The following GABRG3 variants were observed in gnomAD, a reference collection of about 807,000 sequenced individuals.
GABRG3 encodes the protein gamma-aminobutyric acid receptor subunit gamma-3.
Under a neutral mutation model 48.8 loss-of-function variants are expected in GABRG3, and 25 were observed. That is an observed-to-expected ratio of 0.51 (90% confidence interval 0.37 to 0.72). The LOEUF is 0.72. GABRG3 is among the 30% of genes least tolerant of loss of function. GABRG3 has a pLI of 0.00. For missense variants in GABRG3, 394 were observed against 577.9 expected, an observed-to-expected ratio of 0.68 and a Z score of 3.26; for synonymous variants, 227 against 217.6, an observed-to-expected ratio of 1.04 and a Z score of -0.38.
At chr15:27,308,196 AT>A (rs1892772833) in intron 3 of GABRG3, among the ~76,000 whole-genome samples, 1 of 60,648 alleles carries the variant, frequency 1.6e-5, no homozygotes, top group Non-Finnish European at 2.9e-5. Context: ...ATATATAAAC[AT>A]GTTTATATAT....
chr15:27,142,493 A>G (rs1203139044), intron 3 of GABRG3, among the ~76,000 whole-genome samples: 2 of 152,178 alleles, frequency 1.3e-5, no homozygotes, highest in Non-Finnish European at 1.5e-5. Flanking sequence ...CCATGAAAAC[A>G]GTATGGGGAA....
intron 3 of GABRG3, among the ~76,000 whole-genome samples, chr15:27,060,617 C>G (rs1276773943): frequency 6.6e-6 from 1 of 152,212 alleles, no homozygotes; most frequent in Non-Finnish European, 1.5e-5. Context: ...GGGGATGATG[C>G]AGAGACTATT....
rs536199427 is a variant in GABRG3, at chr15:27,064,470, A to G, written c.270+37649A>G. Reference sequence around the variant, plus strand: ...CCCCAGCCCACTGGCTCCTCAGGAAAGGGAACGCTGGGCTTTCTGGCCTTT... The same window carrying G: ...CCCCAGCCCACTGGCTCCTCAGGAAGGGGAACGCTGGGCTTTCTGGCCTTT... On this transcript the variant is annotated intron_variant, in intron 3 of 9. Transcript: ENST00000615808. 7.2e-5 allele frequency among the ~76,000 whole-genome samples: 11 copies of G among 152,258 alleles called. No individual in the cohort carries two copies. In the South Asian group the frequency reaches 2.3e-3, roughly 32 times the overall value.
intron 5 of GABRG3, among the ~76,000 whole-genome samples, chr15:27,341,455 A>G (rs1894175215): frequency 6.6e-6 from 1 of 152,182 alleles, no homozygotes. Flanking sequence ...CAGCCCGATG[A>G]CTGCGCCTGG....
At chr15:27,007,886 C>T (rs1185692163) in intron 2 of GABRG3, among the ~76,000 whole-genome samples, 3 of 152,118 alleles carry the variant, frequency 2.0e-5, no homozygotes, top group Non-Finnish European at 4.4e-5. Flanking sequence ...GTTTCTTTTA[C>T]TCTGCAGAAG....
At chr15:27,061,772 A>C (rs1160443480) in intron 3 of GABRG3, among the ~76,000 whole-genome samples, 2 of 152,112 alleles carry the variant, frequency 1.3e-5, no homozygotes, top group Non-Finnish European at 2.9e-5. Context: ...CCTTGAATAA[A>C]TTGCATTCCA....
At chr15:27,165,167 C>T (rs1450232692) in intron 3 of GABRG3, among the ~76,000 whole-genome samples, 1 of 152,134 alleles carries the variant, frequency 6.6e-6, no homozygotes, top group African/African-American at 2.4e-5. Context: ...GTTTCCTCTC[C>T]CAGATAATTT....
At chr15:27,310,031 G>A (rs1444401778) in intron 3 of GABRG3, among the ~76,000 whole-genome samples, 4 of 152,040 alleles carry the variant, frequency 2.6e-5, no homozygotes, top group South Asian at 4.1e-4. Context: ...AAATCTCAGA[G>A]GCATTATGCT....
At chr15:27,306,443 T>G (rs942590532) in intron 3 of GABRG3, among the ~76,000 whole-genome samples, 18 of 139,544 alleles carry the variant, frequency 1.3e-4, no homozygotes, top group Non-Finnish European at 1.1e-4. Context: ...AATACGAACA[T>G]ATGTCTACAT....
At chr15:27,324,222 T>C (rs532024504) in intron 3 of GABRG3, among the ~76,000 whole-genome samples, 4 of 152,310 alleles carry the variant, frequency 2.6e-5, no homozygotes, top group African/African-American at 9.6e-5. Context: ...TATGTATATA[T>C]GCGTATACCT....
chr15:27,154,905 T>C (rs1364319113), intron 3 of GABRG3, among the ~76,000 whole-genome samples: 1 of 152,130 alleles, frequency 6.6e-6, no homozygotes, highest in Non-Finnish European at 1.5e-5. Flanking sequence ...TGTATATAAT[T>C]TGTATTATAT....
intron 5 of GABRG3, among the ~76,000 whole-genome samples, chr15:27,434,179 G>T (rs1392770588): frequency 2.0e-5 from 3 of 152,148 alleles, no homozygotes; most frequent in African/African-American, 7.2e-5. Flanking sequence ...CGTTATAAGT[G>T]GCCCAGAATA....
At chr15:27,511,921 G>T (rs1236328373) in intron 6 of GABRG3, among the ~76,000 whole-genome samples, 3 of 152,178 alleles carry the variant, frequency 2.0e-5, no homozygotes, top group African/African-American at 7.2e-5. Context: ...ATTTGTGGGA[G>T]GAACGTTCTA....
chr15:27,438,959 G>C (rs1888699965), intron 5 of GABRG3, among the ~76,000 whole-genome samples: 1 of 152,178 alleles, frequency 6.6e-6, no homozygotes, highest in African/African-American at 2.4e-5. Context: ...TGGAATTTCA[G>C]ACTAAGTGCT....
intron 3 of GABRG3, among the ~76,000 whole-genome samples, chr15:27,299,286 GA>G (rs1892114370): frequency 6.6e-6 from 1 of 151,702 alleles, no homozygotes; most frequent in Non-Finnish European, 1.5e-5. Flanking sequence ...CTCCATCTCA[GA>G]AAAAACAAAA....
At chr15:27,153,611 A>G (rs533517210) in intron 3 of GABRG3, among the ~76,000 whole-genome samples, 23 of 152,348 alleles carry the variant, frequency 1.5e-4, no homozygotes, top group African/African-American at 5.3e-4. Flanking sequence ...ATCCATGAAC[A>G]TGGAATATCT....
intron 3 of GABRG3, among the ~76,000 whole-genome samples, chr15:27,183,271 A>G (rs1361540069): frequency 6.6e-6 from 1 of 152,202 alleles, no homozygotes; most frequent in Non-Finnish European, 1.5e-5. Flanking sequence ...TCCCTAGGCC[A>G]CAGAACAACT....
At chr15:27,160,679 G>A (rs1420246421) in intron 3 of GABRG3, among the ~76,000 whole-genome samples, 1 of 150,192 alleles carries the variant, frequency 6.7e-6, no homozygotes, top group Admixed American at 6.6e-5. Flanking sequence ...TTTTCTTTTG[G>A]AGGATCTTAA....
At chr15:27,497,087 C>T (rs142652570) in intron 6 of GABRG3, among the ~76,000 whole-genome samples, 358 of 152,322 alleles carry the variant, frequency 2.4e-3, no homozygotes, top group African/African-American at 8.2e-3. Flanking sequence ...GACACGGTCA[C>T]TCTCAGATTT....
Sources: gnomAD v4.1 joint callset for allele counts (sites outside exome capture counted in the v4.1 genomes callset) on GRCh38, gnomAD v4.1.1 for gene constraint, MANE v1.5 for transcripts, NCBI Gene and HGNC (gene_info 2026-07-23, HGNC 2026-07-21) for gene names.